The following RBKS variants were observed in gnomAD, a reference collection of about 807,000 sequenced individuals.
RBKS encodes ribokinase.
Under a neutral mutation model 33.9 loss-of-function variants are expected in RBKS, and 33 were observed. The observed-to-expected ratio is 0.97, with a 90% confidence interval of 0.74 to 1.30. RBKS has a LOEUF of 1.30. Among genes scored for constraint, RBKS ranks in the 50% most tolerant of loss-of-function variants. The pLI, the probability that RBKS is intolerant of heterozygous loss-of-function variation, is 0.00. For synonymous variants in RBKS, 125 were observed against 143.0 expected, an observed-to-expected ratio of 0.87 and a Z score of 0.90; for missense variants, 361 against 392.6, an observed-to-expected ratio of 0.92 and a Z score of 0.68.
chr2:27,877,488 A>G (rs2148229943), intron 1 of RBKS, among the ~76,000 whole-genome samples: 1 of 152,272 alleles, frequency 6.6e-6, no homozygotes, highest in African/African-American at 2.4e-5. Context: ...TCAAAACAAA[A>G]TTAGGATTTT....
At chr2:27,889,437 T>A (rs760873779) in intron 1 of RBKS, among the ~76,000 whole-genome samples, 1 of 152,190 alleles carries the variant, frequency 6.6e-6, no homozygotes, top group African/African-American at 2.4e-5. Flanking sequence ...ACTGCAGTAA[T>A]TGGAGTGGTA....
At chr2:27,784,618 AC>A in intron 7 of RBKS, among the ~76,000 whole-genome samples, 1 of 152,338 alleles carries the variant, frequency 6.6e-6, no homozygotes, top group East Asian at 1.9e-4. Flanking sequence ...GAGAAGGCAG[AC>A]CTCAAAGAAT....
intron 1 of RBKS, among the ~76,000 whole-genome samples, chr2:27,876,309 G>A (rs1009234688): frequency 9.9e-5 from 15 of 152,126 alleles, no homozygotes; most frequent in Admixed American, 8.5e-4. Context: ...TTAAAAGGAA[G>A]AAAATTCTGA....
intron 1 of RBKS, among the ~76,000 whole-genome samples, chr2:27,881,090 A>AAACAAAC (rs1558558952): frequency 9.9e-5 from 15 of 151,322 alleles, no homozygotes; most frequent in African/African-American, 3.7e-4. Context: ...AACAAACAAA[A>AAACAAAC]AAACAGAAAT....
chr2:27,832,506 T>C lies in RBKS; in HGVS notation c.606+180A>G, dbSNP rs73923923. ...TGGAAGTGACTCAGAGAATCCTTTT[T>C]TCCCCCCTAGGATTTACTAATTTCC... On this transcript the variant is annotated intron_variant, in intron 6 of 7. Transcript: ENST00000302188. Among the ~76,000 whole-genome samples, 631 of 152,284 alleles carry C rather than the reference T, an allele frequency of 4.1e-3. 5 individuals carry two copies. The highest frequency in any genetic ancestry group is 0.014 in the African/African-American group (593 of 41,560).
intron 6 of RBKS, among the ~76,000 whole-genome samples, chr2:27,830,503 A>T (rs1042354114): frequency 2.6e-5 from 4 of 152,028 alleles, no homozygotes; most frequent in Admixed American, 2.6e-4. Context: ...TGACCTCATG[A>T]TCTGCCCACC....
intron 4 of RBKS, among the ~76,000 whole-genome samples, chr2:27,843,605 T>G (rs957756483): frequency 6.6e-6 from 1 of 152,198 alleles, no homozygotes; most frequent in Non-Finnish European, 1.5e-5. Context: ...GCCATAGAGA[T>G]GAATATAAAT....
At chr2:27,846,184 TC>T (rs1663616446) in intron 4 of RBKS, among the ~76,000 whole-genome samples, 1 of 152,212 alleles carries the variant, frequency 6.6e-6, no homozygotes, top group South Asian at 2.1e-4. Flanking sequence ...GTCAGGCTGG[TC>T]TTGAACTCCT....
chr2:27,876,269 T>C (rs1266685423), intron 1 of RBKS, among the ~76,000 whole-genome samples: 1 of 152,156 alleles, frequency 6.6e-6, no homozygotes, highest in East Asian at 1.9e-4. Context: ...ACAAAATGTG[T>C]AATGTACATA....
At chr2:27,874,413 G>T (rs1298693843) in intron 1 of RBKS, among the ~76,000 whole-genome samples, 1 of 152,178 alleles carries the variant, frequency 6.6e-6, no homozygotes, top group African/African-American at 2.4e-5. Flanking sequence ...ATGGAGGAAG[G>T]TGCAGCCACT....
chr2:27,818,874 T>TA lies in RBKS; in HGVS notation c.795+8692dup, dbSNP rs1258575045. On this transcript the variant is annotated intron_variant, in intron 7 of 7. Coordinates refer to ENST00000302188, the MANE Select transcript of RBKS (RefSeq NM_022128.3). ...ATTTGCCCAAAGCAGCACCGCTAGTTAATGGCTAAATCAGGGTTAGAACTC... is the reference window on the plus strand; with the variant it reads ...ATTTGCCCAAAGCAGCACCGCTAGTTAAATGGCTAAATCAGGGTTAGAACTC... Among the ~76,000 whole-genome samples the TA allele has an allele frequency of 2.6e-5, 4 of 152,122 alleles. No homozygotes were observed. The East Asian group carries it at 7.7e-4, about 29-fold the overall frequency.
intron 2 of RBKS, among the ~76,000 whole-genome samples, chr2:27,852,728 G>A (rs1307992705): frequency 6.6e-6 from 1 of 152,182 alleles, no homozygotes; most frequent in Admixed American, 6.5e-5. Context: ...TTCTGCTCAA[G>A]AAGTTATCAC....
At chr2:27,826,417 T>C (rs1678314209) in intron 7 of RBKS, among the ~76,000 whole-genome samples, 1 of 151,726 alleles carries the variant, frequency 6.6e-6, no homozygotes, top group Non-Finnish European at 1.5e-5. Context: ...TCTTTTCTTT[T>C]TTTTTTTTTT....
chr2:27,842,436 CT>C (rs1359540021), intron 5 of RBKS, among the ~76,000 whole-genome samples: 2 of 152,064 alleles, frequency 1.3e-5, no homozygotes, highest in Middle Eastern at 6.3e-3. Flanking sequence ...TATAAATAAT[CT>C]TTTGTTGTTT....
At chr2:27,854,729 G>T (rs577189474) in intron 2 of RBKS, among the ~76,000 whole-genome samples, 1 of 151,042 alleles carries the variant, frequency 6.6e-6, no homozygotes, top group South Asian at 2.1e-4. Flanking sequence ...TGCAGCACTG[G>T]TTCAATCAAA....
chr2:27,844,396 A>G (rs924057617), intron 4 of RBKS, among the ~76,000 whole-genome samples: 3 of 152,114 alleles, frequency 2.0e-5, no homozygotes, highest in Non-Finnish European at 4.4e-5. Flanking sequence ...AAAAATTAAA[A>G]AAAAATTAAG....
chr2:27,813,444 T>C (rs994402288), intron 7 of RBKS, among the ~76,000 whole-genome samples: 3 of 152,096 alleles, frequency 2.0e-5, no homozygotes, highest in African/African-American at 7.2e-5. Flanking sequence ...TAGAATCAAA[T>C]GGAAATTTTA....
rs557296996 is a variant in RBKS at position 27,821,942 on chromosome 2, T to C, written c.795+5625A>G. On this transcript the variant is annotated intron_variant, in intron 7 of 7. Transcript: ENST00000302188. The stretch of plus-strand genomic sequence containing the variant: ...GTAAACAGTAAGGGACACCGAAACA[T>C]CTTGGCTATAACAGAAGCTTCTGGA... Among the ~76,000 whole-genome samples, 4 of 152,316 alleles carry C rather than the reference T, an allele frequency of 2.6e-5. No homozygotes were observed. The East Asian group carries it at 7.7e-4, about 29-fold the overall frequency.
Position 27,827,708 on chromosome 2 carries a change from C to A in RBKS, c.654G>T (p.Gly218=), listed in dbSNP as rs371321802. Residue 218 remains glycine (G), a synonymous_variant, in exon 7 of 8, where the codon GGG becomes GGT. Coordinates refer to ENST00000302188, the MANE Select transcript of RBKS (RefSeq NM_022128.3). The part of the protein sequence containing the change: ...GLTVGSAADA[G]EAALVLLKRG... ...TTTTCAAGAGCACTAATGCAGCCTC[C>A]CCAGCATCTGCAGCGCTGCCCACCG... is the stretch of plus-strand genomic sequence containing the variant. 1 of 1,612,912 alleles carries A rather than the reference C, an allele frequency of 6.2e-7. No homozygotes were observed. The highest frequency in any genetic ancestry group is 8.5e-7 in the Non-Finnish European group (1 of 1,179,582).
Sources: allele counts gnomAD v4.1 joint callset (sites outside exome capture counted in the v4.1 genomes callset), GRCh38; gene constraint gnomAD v4.1.1; transcripts MANE v1.5; gene names NCBI Gene and HGNC (gene_info 2026-07-23, HGNC 2026-07-21).